Variants in RBFOX1 observed in about 807,000 individuals in gnomAD.
The protein encoded by RBFOX1 is RNA binding protein fox-1 homolog 1.
Under a neutral mutation model 57.7 loss-of-function variants are expected in RBFOX1, and 8 were observed. The observed-to-expected ratio is 0.14, with a 90% CI of 0.08 to 0.25. RBFOX1 has a LOEUF of 0.25. Ranked by LOEUF, RBFOX1 falls within the 10% of genes least tolerant of loss-of-function variation. The pLI is 1.00. For synonymous variants in RBFOX1, 326 were observed against 222.4 expected, an observed-to-expected ratio of 1.47 and a Z score of -4.15; for missense variants, 611 against 548.5, an observed-to-expected ratio of 1.11 and a Z score of -1.14.
At chr16:6,726,405 T>TC (rs1269044830) in intron 3 of RBFOX1, among the ~76,000 whole-genome samples, 5 of 152,072 alleles carry the variant, frequency 3.3e-5, no homozygotes, top group Admixed American at 6.5e-5. Context: ...TTCTTTTTTT[T>TC]TTTTTAACTT....
intron 2 of RBFOX1, among the ~76,000 whole-genome samples, chr16:6,463,222 T>C (rs1203182420): frequency 6.6e-6 from 1 of 152,218 alleles, no homozygotes; most frequent in Admixed American, 6.5e-5. Flanking sequence ...TGCATTATTT[T>C]TCCTGTAAAG....
At chr16:6,338,341 A>G (rs995267948) in intron 2 of RBFOX1, among the ~76,000 whole-genome samples, 5 of 152,194 alleles carry the variant, frequency 3.3e-5, no homozygotes, top group African/African-American at 9.6e-5. Flanking sequence ...CAACTTGCCA[A>G]TGTTGAAGTT....
chr16:7,219,454 C>G (rs1278976366), intron 4 of RBFOX1, among the ~76,000 whole-genome samples: 1 of 152,196 alleles, frequency 6.6e-6, no homozygotes, highest in Non-Finnish European at 1.5e-5. Flanking sequence ...CCGTCGGCTG[C>G]TCCAACCGTG....
At chr16:7,153,925 A>G (rs971568650) in intron 4 of RBFOX1, among the ~76,000 whole-genome samples, 1 of 152,084 alleles carries the variant, frequency 6.6e-6, no homozygotes, top group African/African-American at 2.4e-5. Flanking sequence ...CCTGGTTTTA[A>G]AAAAAACCCT....
chr16:5,777,261 C>T (rs2054178290), intron 3 of RBFOX1, among the ~76,000 whole-genome samples: 1 of 152,188 alleles, frequency 6.6e-6, no homozygotes, highest in African/African-American at 2.4e-5. Context: ...TGGCCCCTTC[C>T]TCTACCTTCA....
intron 3 of RBFOX1, among the ~76,000 whole-genome samples, chr16:6,708,032 A>G (rs1472224535): frequency 1.3e-5 from 2 of 152,108 alleles, no homozygotes; most frequent in Non-Finnish European, 2.9e-5. Context: ...TTCAGAAGAA[A>G]GGCCCTTTTC....
At position 6,019,461 on chromosome 16, in the gene RBFOX1, G is replaced by C; in HGVS notation, c.-658G>C. On this transcript the variant is annotated 5_prime_UTR_variant, in exon 1 of 16. Transcript: ENST00000550418. This position sits in a 1 kb window ranked among gnomAD's most constrained non-coding sequence, Gnocchi z 4.2. ...GCGTCGGGTGGGGAAACCCGAACTCGCGGAGGGGAATCCCTCCCCCTCCGC... is the reference window on the plus strand; with the variant it reads ...GCGTCGGGTGGGGAAACCCGAACTCCCGGAGGGGAATCCCTCCCCCTCCGC... 11 of 993,628 alleles carry C rather than the reference G, an allele frequency of 1.1e-5. No homozygotes were observed. Among genetic ancestry groups the C allele is most frequent in the Non-Finnish European group, 1.3e-5 (11 of 835,664 alleles). The allele number at this position is 993,628 out of a possible 1,614,324, so 61.6% of individuals were successfully genotyped here.
intron 4 of RBFOX1, among the ~76,000 whole-genome samples, chr16:7,475,184 C>G (rs1163114121): frequency 1.3e-5 from 2 of 152,016 alleles, no homozygotes; most frequent in East Asian, 1.9e-4. Flanking sequence ...TTTCTGTTGA[C>G]TCATAGCAAC....
intron 1 of RBFOX1, among the ~76,000 whole-genome samples, chr16:5,419,754 T>C (rs1465982744): frequency 1.3e-5 from 2 of 151,940 alleles, no homozygotes; most frequent in South Asian, 2.1e-4. Context: ...GAGGGCTTTC[T>C]CTGGCTGCCA....
chr16:5,401,792 C>T, intron 1 of RBFOX1, among the ~76,000 whole-genome samples: 1 of 142,852 alleles, frequency 7.0e-6, no homozygotes, highest in Non-Finnish European at 1.5e-5. Context: ...CCTCCTCCTC[C>T]TCTTTCTCCT....
Position 6,902,314 on chromosome 16 carries a change from C to G in RBFOX1, c.-15-149743C>G, listed in dbSNP as rs1210009234. On this transcript the variant is annotated intron_variant, in intron 3 of 15. Transcript: ENST00000550418. The stretch of plus-strand genomic sequence containing the variant: ...CAACTGAAATGGAAAGCTACTCTTA[C>G]TTGATATGGGTTTCATGGCAAAACT... Among the ~76,000 whole-genome samples, 3 of 152,134 alleles carry G rather than the reference C, an allele frequency of 2.0e-5. No homozygotes were observed. The East Asian group carries it at 5.8e-4, about 29-fold the overall frequency.
In RBFOX1 at chr16:6,947,649, C is replaced by G. The variant is rs1010554471; in HGVS notation, c.-15-104408C>G. 5.3e-5 allele frequency among the ~76,000 whole-genome samples: 8 copies of G among 152,216 alleles called. No homozygotes were observed. The South Asian group carries it at 6.2e-4, about 12-fold the overall frequency. ...GTTCCAGACAGAATGGATTTAAGTT[C>G]TGTTCTATCGTTATCTCCTTGGGAA... On this transcript the variant is annotated intron_variant, in intron 3 of 15. Coordinates refer to ENST00000550418, the MANE Select transcript of RBFOX1 (RefSeq NM_018723.4).
intron 4 of RBFOX1, among the ~76,000 whole-genome samples, chr16:7,444,923 T>TTC (rs2098796740): frequency 6.6e-6 from 1 of 152,170 alleles, no homozygotes; most frequent in Non-Finnish European, 1.5e-5. Flanking sequence ...TTACCATGAA[T>TTC]TCTAAGTCTC....
At chr16:6,752,491 A>G (rs559642717) in intron 3 of RBFOX1, among the ~76,000 whole-genome samples, 9 of 152,310 alleles carry the variant, frequency 5.9e-5, no homozygotes, top group African/African-American at 2.2e-4. Context: ...GGACCTTGCT[A>G]TGTGCTGGAA....
At chr16:6,212,870 C>T (rs1472566981) in intron 1 of RBFOX1, among the ~76,000 whole-genome samples, 1 of 151,986 alleles carries the variant, frequency 6.6e-6, no homozygotes, top group African/African-American at 2.4e-5. Context: ...GAAGAAGAGA[C>T]CAATAGTAAA....
At chr16:5,750,815 G>A (rs1390069807) in intron 3 of RBFOX1, among the ~76,000 whole-genome samples, 1 of 152,230 alleles carries the variant, frequency 6.6e-6, no homozygotes, top group Non-Finnish European at 1.5e-5. Context: ...GCACTTCCCA[G>A]GTTAGTCGAT....
intron 2 of RBFOX1, among the ~76,000 whole-genome samples, chr16:6,506,749 T>A (rs1406360139): frequency 3.4e-5 from 5 of 145,918 alleles, no homozygotes; most frequent in Non-Finnish European, 6.0e-5. Context: ...CAGGTTCAGG[T>A]GATTCTCAGG....
chr16:7,163,275 G>C (rs962299324), intron 4 of RBFOX1, among the ~76,000 whole-genome samples: 38 of 152,204 alleles, frequency 2.5e-4, no homozygotes, highest in African/African-American at 8.0e-4. Context: ...CGAAGGGGCA[G>C]GGGGTTGTAT....
chr16:5,730,289 C>A (rs925950291), intron 3 of RBFOX1, among the ~76,000 whole-genome samples: 1 of 152,058 alleles, frequency 6.6e-6, no homozygotes, highest in African/African-American at 2.4e-5. Flanking sequence ...GGATTTAGTG[C>A]CACAGAGCAA....
Sources: allele counts gnomAD v4.1 joint callset (sites outside exome capture counted in the v4.1 genomes callset), GRCh38; gene constraint gnomAD v4.1.1; non-coding constraint Gnocchi (gnomAD v3.1); transcripts MANE v1.5; gene names NCBI Gene and HGNC (gene_info 2026-07-23, HGNC 2026-07-21).